The following LYRM4 variants were observed in gnomAD, a reference collection of about 807,000 sequenced individuals.
The protein encoded by LYRM4 is LYR motif-containing protein 4.
A neutral mutation model predicts 11.7 loss-of-function variants in LYRM4; 9 were observed. The ratio of observed to expected loss-of-function variants is 0.77; its 90% CI spans 0.46 to 1.34. LYRM4 has a LOEUF of 1.34. Among genes scored for constraint, LYRM4 ranks in the 40% most tolerant of loss-of-function variants. LYRM4 has a pLI of 0.00. For synonymous variants in LYRM4, 42 were observed against 40.4 expected (o/e 1.04, Z -0.15); for missense variants, 133 against 112.5 (o/e 1.18, Z -0.82).
downstream of LYRM4, chr6:5,103,661 G>C (rs1254281723): frequency 1.6e-5 from 2 of 124,430 alleles, no homozygotes; most frequent in East Asian, 4.9e-4. Context: ...TTTGAGACAA[G>C]AGTCTCACTC....
chr6:5,063,739 C>T, the LYRM4 span, among the ~76,000 whole-genome samples: 5 of 152,274 alleles, frequency 3.3e-5, no homozygotes, highest in East Asian at 9.7e-4. Flanking sequence ...AGCCATCTCC[C>T]GGGAGCAGAC....
chr6:5,155,720 A>G (rs1187671074), intron 2 of LYRM4, among the ~76,000 whole-genome samples: 2 of 152,244 alleles, frequency 1.3e-5, no homozygotes, highest in Non-Finnish European at 2.9e-5. Flanking sequence ...AGCAAAACGT[A>G]TGGATAGCCT....
At chr6:5,135,662 T>C (rs1361484604) in intron 2 of LYRM4, among the ~76,000 whole-genome samples, 1 of 152,172 alleles carries the variant, frequency 6.6e-6, no homozygotes, top group Non-Finnish European at 1.5e-5. Context: ...AGAACTTTCT[T>C]TTAAGTTTTC....
chr6:5,159,580 T>C (rs1162701267), intron 2 of LYRM4, among the ~76,000 whole-genome samples: 1 of 152,184 alleles, frequency 6.6e-6, no homozygotes, highest in Non-Finnish European at 1.5e-5. Context: ...ATGGCTACTA[T>C]CCAAGCCCAT....
intron 2 of LYRM4, among the ~76,000 whole-genome samples, chr6:5,125,300 C>G (rs1055820334): frequency 2.6e-5 from 4 of 152,176 alleles, no homozygotes; most frequent in Non-Finnish European, 2.9e-5. Context: ...CCTCCCCCAG[C>G]TCTCCTCCCT....
rs760610122 is a variant in LYRM4 at position 5,165,373 on chromosome 6, ATTAG to A, written c.207+51241_207+51244del. On this transcript the variant is annotated intron_variant, in intron 2 of 2. Transcript: ENST00000330636. Reference sequence around the variant, plus strand: ...TTAAGTGTTCCTTCAGTTTTTGCAGATTAGTTACACAACTGTCCTTGTTCTAATT... The same window carrying A: ...TTAAGTGTTCCTTCAGTTTTTGCAGATTACACAACTGTCCTTGTTCTAATT... Among the ~76,000 whole-genome samples, 234 of 152,344 alleles carry A rather than the reference ATTAG, an allele frequency of 1.5e-3. 2 individuals are homozygous for A. The highest frequency in any genetic ancestry group is 8.8e-4 in the Non-Finnish European group (60 of 68,032).
intron 2 of LYRM4, among the ~76,000 whole-genome samples, chr6:5,120,884 C>T (rs1023483081): frequency 6.6e-6 from 1 of 152,162 alleles, no homozygotes; most frequent in African/African-American, 2.4e-5. Context: ...TTCTCCAAGT[C>T]CCCACTCGAC....
intron 1 of LYRM4, among the ~76,000 whole-genome samples, chr6:5,222,707 TAA>T (rs987845034): frequency 7.8e-6 from 1 of 128,130 alleles, no homozygotes; most frequent in Admixed American, 7.8e-5. Context: ...TAAAGTAAAT[TAA>T]AAAAAAGTAT....
At chr6:5,150,753 A>G (rs528491602) in intron 2 of LYRM4, among the ~76,000 whole-genome samples, 7 of 152,254 alleles carry the variant, frequency 4.6e-5, no homozygotes, top group Admixed American at 2.0e-4. Context: ...TCTGACTACT[A>G]TCTTGAGTTG....
intron 2 of LYRM4, among the ~76,000 whole-genome samples, chr6:5,161,502 G>T (rs982917793): frequency 1.3e-5 from 2 of 152,138 alleles, no homozygotes; most frequent in South Asian, 2.1e-4. Context: ...AATCAAAGCA[G>T]TATAGTACAA....
chr6:5,050,013 C>T, the LYRM4 span, among the ~76,000 whole-genome samples: 206 of 152,352 alleles, frequency 1.4e-3, no homozygotes, highest in African/African-American at 4.8e-3. Flanking sequence ...GGCTTTTCAG[C>T]CATAGACATC....
At chr6:5,071,756 G>C in the LYRM4 span, among the ~76,000 whole-genome samples, 2 of 152,198 alleles carry the variant, frequency 1.3e-5, no homozygotes, top group African/African-American at 2.4e-5. Flanking sequence ...TCCTGCCTCA[G>C]CCTCCCCAGT....
intron 2 of LYRM4, among the ~76,000 whole-genome samples, chr6:5,198,453 C>T (rs1302422505): frequency 2.0e-5 from 3 of 152,146 alleles, no homozygotes; most frequent in African/African-American, 4.8e-5. Flanking sequence ...AAAAATCAAC[C>T]TCCACCTACT....
the LYRM4 span, among the ~76,000 whole-genome samples, chr6:5,075,941 A>ATT: frequency 6.8e-4 from 99 of 145,488 alleles, no homozygotes; most frequent in Middle Eastern, 3.5e-3. Flanking sequence ...GGGTTTATGT[A>ATT]TTTTTTTTTT....
At chr6:5,074,116 C>T in the LYRM4 span, among the ~76,000 whole-genome samples, 1 of 152,218 alleles carries the variant, frequency 6.6e-6, no homozygotes, top group Non-Finnish European at 1.5e-5. Flanking sequence ...ATCCCCAAAA[C>T]GCACTGGCCA....
chr6:5,230,961 A>G (rs1167016492), intron 1 of LYRM4, among the ~76,000 whole-genome samples: 2 of 152,194 alleles, frequency 1.3e-5, no homozygotes, highest in African/African-American at 4.8e-5. Flanking sequence ...TGGGCTATTC[A>G]GAAGGAAAAA....
chr6:5,214,851 G>T (rs1471362113), intron 2 of LYRM4, among the ~76,000 whole-genome samples: 1 of 152,058 alleles, frequency 6.6e-6, no homozygotes, highest in African/African-American at 2.4e-5. Flanking sequence ...GAAGGGATGA[G>T]AATGCTTTCA....
At chr6:5,260,454 G>C (rs1017181943) in intron 1 of LYRM4, among the ~76,000 whole-genome samples, 194 bp downstream of exon 1, 2 of 152,232 alleles carry the variant, frequency 1.3e-5, no homozygotes, top group African/African-American at 4.8e-5. Context: ...AGAAAGAAAG[G>C]CTCCTCCCCG....
At chr6:5,164,705 T>C (rs1262845369) in intron 2 of LYRM4, among the ~76,000 whole-genome samples, 1 of 152,136 alleles carries the variant, frequency 6.6e-6, no homozygotes, top group Non-Finnish European at 1.5e-5. Flanking sequence ...TGGCGGCTCA[T>C]ACCTGTAATC....
Sources: allele counts gnomAD v4.1 joint callset (sites outside exome capture counted in the v4.1 genomes callset), GRCh38; gene constraint gnomAD v4.1.1; transcripts MANE v1.5; gene names NCBI Gene and HGNC (gene_info 2026-07-23, HGNC 2026-07-21).